The following RPN2 variants were observed in gnomAD, a reference collection of about 807,000 sequenced individuals.
The protein encoded by RPN2 is ribophorin II.
RPN2 carries 29 observed loss-of-function variants against 71.4 expected under a neutral mutation model. The ratio of observed to expected loss-of-function variants is 0.41; its 90% CI spans 0.30 to 0.55. The LOEUF (loss-of-function observed/expected upper bound fraction) is 0.55, where lower values mean the gene tolerates loss of function less well. RPN2 is among the 20% of genes least tolerant of loss of function. The pLI is 0.35. For synonymous variants in RPN2, 308 were observed against 305.0 expected (o/e 1.01, Z -0.10); for missense variants, 726 against 774.1 (o/e 0.94, Z 0.74).
At chr20:37,214,232 T>C (rs79709804) in intron 9 of RPN2, among the ~76,000 whole-genome samples, 2 of 152,216 alleles carry the variant, frequency 1.3e-5, no homozygotes, top group African/African-American at 4.8e-5. Flanking sequence ...GAAAAGTGCT[T>C]GATGCCAAAT....
chr20:37,191,974 G>T (rs922602740), intron 2 of RPN2, among the ~76,000 whole-genome samples: 1 of 145,910 alleles, frequency 6.9e-6, no homozygotes, highest in African/African-American at 2.6e-5. Flanking sequence ...TGCACCTCTA[G>T]TCCTAGCTAT....
chr20:37,239,896 TTAAA>T (rs1182630033), intron 16 of RPN2, among the ~76,000 whole-genome samples: 2 of 152,244 alleles, frequency 1.3e-5, no homozygotes, highest in Non-Finnish European at 2.9e-5. Context: ...CTTTAATTCT[TTAAA>T]TAAGTCGATT....
intron 8 of RPN2, among the ~76,000 whole-genome samples, chr20:37,212,506 A>G (rs2067698771): frequency 6.7e-6 from 1 of 149,326 alleles, no homozygotes. Context: ...TTTTTGAGAC[A>G]GTTTCGCTCT....
intron 4 of RPN2, among the ~76,000 whole-genome samples, chr20:37,199,485 C>T (rs1016868839): frequency 6.6e-6 from 1 of 152,216 alleles, no homozygotes; most frequent in Admixed American, 6.5e-5. Context: ...CATGAGCACA[C>T]CACCACCTAG....
Position 37,237,915 on chromosome 20 carries a change from G to A in RPN2, c.1883+1206G>A, listed in dbSNP as rs150468240. 8.0e-3 allele frequency among the ~76,000 whole-genome samples: 1,215 copies of A among 152,256 alleles called. 11 individuals are homozygous for A. The highest frequency in any genetic ancestry group is 0.024 in the Middle Eastern group (7 of 294). ...CACTCGAGAAGAATGAAATCTGCCC[G>A]CCATGGTGGCTTATGCCTATAATCC... On this transcript the variant is annotated intron_variant, in intron 16 of 16. Coordinates refer to ENST00000237530, the MANE Select transcript of RPN2 (RefSeq NM_002951.5).
At chr20:37,211,794 G>C (rs1228826976) in intron 8 of RPN2, among the ~76,000 whole-genome samples, 1 of 151,652 alleles carries the variant, frequency 6.6e-6, no homozygotes, top group Non-Finnish European at 1.5e-5. Flanking sequence ...GTGCAGTGTA[G>C]TGGCGTGATG....
intron 8 of RPN2, among the ~76,000 whole-genome samples, chr20:37,211,242 C>T (rs2067656622): frequency 6.6e-6 from 1 of 151,560 alleles, no homozygotes; most frequent in Non-Finnish European, 1.5e-5. Context: ...ACCATGTTGA[C>T]CAGGCTGGTC....
At chr20:37,221,306 C>G (rs2146653247) in intron 9 of RPN2, among the ~76,000 whole-genome samples, 2 of 151,856 alleles carry the variant, frequency 1.3e-5, no homozygotes, top group East Asian at 3.9e-4. Flanking sequence ...AGCCATTTTC[C>G]TGTCTCAGCC....
rs755127772 is a variant in RPN2, at chr20:37,204,750, CTGTTT to C, written c.556-12_556-8del. On this transcript the variant is annotated splice_polypyrimidine_tract_variant and intron_variant, in intron 5 of 16. Transcript: ENST00000237530. ...CTGTTACTTGACATCCAGCATATTT[CTGTTT>C]TGTTATGGCAGGACCTTGTTGCTCG... 6.2e-7 allele frequency: 1 copy of C among 1,614,108 alleles called. No individual in the cohort carries two copies. Among genetic ancestry groups the C allele is most frequent in the South Asian group, 1.1e-5 (1 of 91,074 alleles).
chr20:37,238,540 C>A, intron 16 of RPN2: 1 of 895,358 alleles, frequency 1.1e-6, no homozygotes, highest in Non-Finnish European at 1.8e-6. Context: ...TAGTTTTCAG[C>A]CCACTTGCTC....
intron 14 of RPN2, among the ~76,000 whole-genome samples, chr20:37,233,646 G>T (rs912896449): frequency 2.6e-5 from 4 of 152,166 alleles, no homozygotes; most frequent in Non-Finnish European, 4.4e-5. Context: ...GCTGCCGGTG[G>T]GTTTATCTTA....
chr20:37,207,198 CT>C (rs1249987745), intron 6 of RPN2, 74 bp from the exon 7 acceptor site: 3 of 1,226,196 alleles, frequency 2.4e-6, no homozygotes, highest in East Asian at 2.3e-5. Context: ...ATAAGGGTGA[CT>C]TTCCTCTACA....
rs1389548115 is a variant in RPN2, at chr20:37,241,490, T to C, written c.*175T>C. ...GTTTCCCCAACACACAGCAGATACC[T>C]GGTGAGCTCAGATAGTCTCTTTCTC... On this transcript the variant is annotated 3_prime_UTR_variant, in exon 17 of 17. Coordinates refer to ENST00000237530, the MANE Select transcript of RPN2 (RefSeq NM_002951.5). 1.8e-5 allele frequency: 13 copies of C among 708,824 alleles called. No homozygotes were observed. Among genetic ancestry groups the C allele is most frequent in the Non-Finnish European group, 2.9e-5 (12 of 409,162 alleles). The allele number at this position is 708,824 out of a possible 1,614,324, so 43.9% of individuals were successfully genotyped here. A position where few individuals can be genotyped will look rare whatever the true frequency, so the allele number is the denominator to read the frequency against.
At chr20:37,205,023 C>G (rs2067481011) in intron 6 of RPN2, 122 bp downstream of exon 6, 4 of 1,399,474 alleles carry the variant, frequency 2.9e-6, no homozygotes, top group Non-Finnish European at 4.0e-6. Flanking sequence ...ACTCAGTGTC[C>G]TGGGTTAGGG....
At chr20:37,182,790 T>G (rs1265374902) in intron 1 of RPN2, among the ~76,000 whole-genome samples, 2 of 152,216 alleles carry the variant, frequency 1.3e-5, no homozygotes, top group Non-Finnish European at 2.9e-5. Context: ...GATTATTTGT[T>G]ACTGCTGTTA....
intron 12 of RPN2, 47 bp downstream of exon 12, chr20:37,228,791 C>T (rs1568996225): frequency 1.9e-6 from 3 of 1,585,970 alleles, no homozygotes; most frequent in Admixed American, 3.3e-5. Flanking sequence ...GGCTGTGCCC[C>T]AGGCACTGGT....
intron 8 of RPN2, among the ~76,000 whole-genome samples, chr20:37,211,667 G>T (rs374721658): frequency 1.2e-4 from 18 of 151,046 alleles, no homozygotes; most frequent in African/African-American, 3.9e-4. Flanking sequence ...AAAAAATCAG[G>T]GTATGCTTTA....
intron 4 of RPN2, among the ~76,000 whole-genome samples, chr20:37,202,310 CT>C (rs2067410354): frequency 6.6e-6 from 1 of 152,198 alleles, no homozygotes; most frequent in Non-Finnish European, 1.5e-5. Flanking sequence ...GTTGAATACT[CT>C]GGGGCTTGTC....
At chr20:37,226,955 GT>G in intron 11 of RPN2, among the ~76,000 whole-genome samples, 1 of 152,358 alleles carries the variant, frequency 6.6e-6, no homozygotes, top group East Asian at 1.9e-4. Context: ...CAGCAGACTT[GT>G]TGCCTTGAGG....
Sources: allele counts gnomAD v4.1 joint callset (sites outside exome capture counted in the v4.1 genomes callset), GRCh38; gene constraint gnomAD v4.1.1; transcripts MANE v1.5; gene names NCBI Gene and HGNC (gene_info 2026-07-23, HGNC 2026-07-21).